MAPKAP1: variants seen among roughly 807,000 people sequenced by gnomAD.
The protein encoded by MAPKAP1 is MAPK associated protein 1.
In MAPKAP1, 20 loss-of-function variants were observed where a neutral mutation model predicts 65.7. That is an observed-to-expected ratio of 0.30 (90% CI 0.21 to 0.44). MAPKAP1 has a LOEUF of 0.44. Among genes scored for constraint, MAPKAP1 ranks in the 20% least tolerant of loss-of-function variants. The pLI is 1.00. For synonymous variants in MAPKAP1, 222 were observed against 244.3 expected (o/e 0.91, Z 0.85); for missense variants, 423 against 648.0 (o/e 0.65, Z 3.77).
At chr9:125,571,527 T>C (rs746074785) in intron 5 of MAPKAP1, among the ~76,000 whole-genome samples, 9 of 152,200 alleles carry the variant, frequency 5.9e-5, no homozygotes, top group South Asian at 2.1e-4. Context: ...ACTGGACCAA[T>C]AGCAAACTAA....
chr9:125,695,734 C>CTT (rs112626289), intron 1 of MAPKAP1, among the ~76,000 whole-genome samples: 2 of 146,844 alleles, frequency 1.4e-5, no homozygotes, highest in African/African-American at 5.0e-5. Flanking sequence ...TCTTTTCTTT[C>CTT]TTTTTTTTTT....
At chr9:125,672,149 C>T (rs958333808) in intron 2 of MAPKAP1, among the ~76,000 whole-genome samples, 167 bp downstream of exon 2, 29 of 152,144 alleles carry the variant, frequency 1.9e-4, no homozygotes, top group African/African-American at 6.3e-4. Context: ...CATTCGCAGT[C>T]GCAGAGATGG....
intron 7 of MAPKAP1, among the ~76,000 whole-genome samples, chr9:125,534,676 C>T (rs972736471): frequency 1.3e-5 from 2 of 152,158 alleles, no homozygotes; most frequent in Non-Finnish European, 2.9e-5. Context: ...TTATATATTG[C>T]CCTTCTTTCA....
At chr9:125,630,051 T>C (rs1833233160) in intron 4 of MAPKAP1, among the ~76,000 whole-genome samples, 1 of 152,138 alleles carries the variant, frequency 6.6e-6, no homozygotes, top group Non-Finnish European at 1.5e-5. Flanking sequence ...TAGGGTCAAC[T>C]AAGGCCTTAG....
At chr9:125,649,662 C>T (rs1322197946) in intron 4 of MAPKAP1, among the ~76,000 whole-genome samples, 1 of 151,898 alleles carries the variant, frequency 6.6e-6, no homozygotes, top group African/African-American at 2.4e-5. Context: ...CTCAGATTCC[C>T]CAAACACAAA....
At chr9:125,698,314 T>A (rs1472579592) in intron 1 of MAPKAP1, among the ~76,000 whole-genome samples, 5,100 of 56,278 alleles carry the variant, frequency 0.091, 313 homozygotes, top group Middle Eastern at 0.14. Context: ...TATATATATA[T>A]ATATATATAT....
At position 125,502,040 on chromosome 9, in the gene MAPKAP1, T is replaced by C. The variant is rs117436793; in HGVS notation, c.1066+4270A>G. Reference sequence around the variant, plus strand: ...TTGCTTCTTTTATTCGTTTCAGGTTTTTCTATTTTTCAATTTCTTGAGCTG... The same window carrying C: ...TTGCTTCTTTTATTCGTTTCAGGTTCTTCTATTTTTCAATTTCTTGAGCTG... On this transcript the variant is annotated intron_variant, in intron 8 of 11. Transcript: ENST00000265960. Among the ~76,000 whole-genome samples the C allele has an allele frequency of 6.2e-3, 944 of 152,236 alleles. 4 individuals carry two copies. The highest frequency in any genetic ancestry group is 0.034 in the Middle Eastern group (10 of 294).
chr9:125,613,365 C>A (rs976214895), intron 4 of MAPKAP1, among the ~76,000 whole-genome samples: 2 of 152,214 alleles, frequency 1.3e-5, no homozygotes, highest in African/African-American at 4.8e-5. Flanking sequence ...TCCTTTCCTG[C>A]AATTGTGCTG....
intron 1 of MAPKAP1, among the ~76,000 whole-genome samples, chr9:125,698,310 T>A (rs1359425984): frequency 8.0e-4 from 36 of 45,144 alleles, no homozygotes; most frequent in Non-Finnish European, 1.1e-3. Flanking sequence ...TATATATATA[T>A]ATATATATAT....
At chr9:125,648,515 T>A (rs1022730369) in intron 4 of MAPKAP1, among the ~76,000 whole-genome samples, 1 of 152,226 alleles carries the variant, frequency 6.6e-6, no homozygotes. Context: ...TTACTTGTCC[T>A]ACATCAGAGA....
intron 1 of MAPKAP1, among the ~76,000 whole-genome samples, chr9:125,698,278 A>AATATATATAAAT (rs1392037123): frequency 7.5e-5 from 2 of 26,614 alleles, no homozygotes; most frequent in Admixed American, 6.1e-4. Context: ...TATAATACAT[A>AATATATATAAAT]ATATATATAA....
Position 125,574,047 on chromosome 9 carries a change from C to T in MAPKAP1, c.671+11508G>A, listed in dbSNP as rs76961121. 4.9e-3 allele frequency among the ~76,000 whole-genome samples: 751 copies of T among 152,292 alleles called. 5 individuals are homozygous for T. The highest frequency in any genetic ancestry group is 0.017 in the African/African-American group (710 of 41,546). ...CAAAATGCCTGGTATATAGCAAACA[C>T]TCAATAAATATTTGTTGAATGCATG... On this transcript the variant is annotated intron_variant, in intron 5 of 11. Coordinates refer to ENST00000265960, the MANE Select transcript of MAPKAP1 (RefSeq NM_001006617.3).
intron 4 of MAPKAP1, among the ~76,000 whole-genome samples, chr9:125,640,416 C>A (rs967774774): frequency 3.3e-5 from 5 of 151,986 alleles, no homozygotes; most frequent in African/African-American, 1.2e-4. Flanking sequence ...TTCTGTTTAT[C>A]TCAGACTCTG....
intron 7 of MAPKAP1, chr9:125,521,615 A>AACAG: frequency 6.6e-7 from 1 of 1,505,986 alleles, no homozygotes; most frequent in South Asian, 1.4e-5. Context: ...AGCTGTGGGG[A>AACAG]ACAGACAGTA....
intron 4 of MAPKAP1, among the ~76,000 whole-genome samples, chr9:125,651,736 A>C (rs931568631): frequency 1.6e-4 from 25 of 152,326 alleles, no homozygotes; most frequent in African/African-American, 5.8e-4. Flanking sequence ...GCCCTGGAGA[A>C]CTCTTACTGA....
chr9:125,661,689 A>G (rs2131767776), intron 3 of MAPKAP1, among the ~76,000 whole-genome samples: 1 of 152,372 alleles, frequency 6.6e-6, no homozygotes, highest in South Asian at 2.1e-4. Flanking sequence ...GGGAACAGAA[A>G]GTGAAGCTAG....
In MAPKAP1 at chr9:125,598,971, C is replaced by T. The variant is rs148741090; in HGVS notation, c.499-13244G>A. Among the ~76,000 whole-genome samples the T allele has an allele frequency of 4.5e-3, 669 of 148,072 alleles. 8 individuals are homozygous for T. The highest frequency in any genetic ancestry group is 0.015 in the African/African-American group (614 of 39,984). On this transcript the variant is annotated intron_variant, in intron 4 of 11. Transcript: ENST00000265960. ...AGGAGAATCACTTGAACCCAGGAGG[C>T]GGAGGTTACAGTGAGCCAGCACTGC...
chr9:125,625,269 A>AC (rs1231181158), intron 4 of MAPKAP1, among the ~76,000 whole-genome samples: 3 of 148,102 alleles, frequency 2.0e-5, no homozygotes, highest in Non-Finnish European at 4.5e-5. Flanking sequence ...AAAAAAAAAA[A>AC]AAAAAAAAAA....
chr9:125,632,312 C>T (rs1228675165), intron 4 of MAPKAP1, among the ~76,000 whole-genome samples: 3 of 152,058 alleles, frequency 2.0e-5, no homozygotes, highest in African/African-American at 7.2e-5. Context: ...GACTTCCCTA[C>T]AAGATTACAC....
Sources: gnomAD v4.1 joint callset for allele counts (sites outside exome capture counted in the v4.1 genomes callset) on GRCh38, gnomAD v4.1.1 for gene constraint, MANE v1.5 for transcripts, NCBI Gene and HGNC (gene_info 2026-07-23, HGNC 2026-07-21) for gene names.